COL5A3: variants seen among roughly 807,000 people sequenced by gnomAD.
COL5A3 encodes collagen alpha-3(V) chain.
Under a neutral mutation model 250.0 loss-of-function variants are expected in COL5A3, and 172 were observed. The observed-to-expected ratio is 0.69, with a 90% confidence interval of 0.61 to 0.78. COL5A3 has a LOEUF of 0.78. COL5A3 is among the 30% of genes least tolerant of loss of function. The probability of loss-of-function intolerance (pLI) is 0.00; values close to 1 mark genes in which losing one functional copy is unlikely to be tolerated. For synonymous variants in COL5A3, 937 were observed against 900.4 expected, an observed-to-expected ratio of 1.04 and a Z score of -0.73; for missense variants, 2,340 against 2,334.4, an observed-to-expected ratio of 1.00 and a Z score of -0.05.
At chr19:9,984,942 ATTTTTTTTTT>A (rs71188874) in intron 31 of COL5A3, among the ~76,000 whole-genome samples, 1 of 83,006 alleles carries the variant, frequency 1.2e-5, no homozygotes, top group Non-Finnish European at 2.3e-5. Context: ...CATCTGGCTA[ATTTTTTTTTT>A]TTTTTTTTTT....
chr19:9,973,767 C>T lies in COL5A3; in HGVS notation c.3601G>A (p.Val1201Met), dbSNP rs534275127. 1.3e-4 allele frequency: 202 copies of T among 1,613,912 alleles called. No homozygotes were observed. Among genetic ancestry groups the T allele is most frequent in the Non-Finnish European group, 1.5e-4 (182 of 1,179,980 alleles). Residue 1201 changes from valine to methionine, a missense_variant, in exon 49 of 67, where the codon GTG becomes ATG. Transcript: ENST00000264828. ...LPGGVGQPGA[V>M]GEKGERGDAG... is the part of the protein sequence containing the mutation. ...CTTCCCTCACTCACCTTCTCACCCA[C>T]GGCGCCTGGCTGACCAACTCCTCCA...
At chr19:9,980,963 C>T (rs1281405759) in intron 33 of COL5A3, 104 bp from the exon 34 acceptor site, 3 of 1,495,764 alleles carry the variant, frequency 2.0e-6, no homozygotes, top group East Asian at 2.3e-5. Context: ...CCCTCTCCTG[C>T]CCGACCAGGG....
intron 64 of COL5A3, among the ~76,000 whole-genome samples, chr19:9,963,623 G>A (rs1427418980): frequency 1.3e-5 from 2 of 151,468 alleles, no homozygotes; most frequent in Non-Finnish European, 2.9e-5. Context: ...GAACTCCTGG[G>A]CTCAAGCGAT....
In COL5A3 at chr19:9,960,374, T is replaced by A. The variant is rs375617796; in HGVS notation, c.*37A>T. The A allele has an allele frequency of 1.2e-6, 2 of 1,612,868 alleles. No homozygotes were observed. Among genetic ancestry groups the A allele is most frequent in the Admixed American group, 1.7e-5 (1 of 59,956 alleles). On this transcript the variant is annotated 3_prime_UTR_variant, in exon 67 of 67. Transcript: ENST00000264828. The stretch of plus-strand genomic sequence containing the variant: ...CCTCAGCACCAAATGCACCCCATTC[T>A]GGGGCTCCCTCATGGTCCCTCCCAC...
chr19:9,997,090 AAGAG>A (rs1407308222), intron 11 of COL5A3: 4 of 562,104 alleles, frequency 7.1e-6, no homozygotes, highest in Non-Finnish European at 1.3e-5. Context: ...AGAGAGACAG[AAGAG>A]AGACAGAGAC....
At chr19:9,997,585 C>A (rs1218200961) in intron 10 of COL5A3, 152 bp from the exon 11 acceptor site, 1 of 609,612 alleles carries the variant, frequency 1.6e-6, no homozygotes, top group Non-Finnish European at 2.9e-6. Context: ...CCCCCACTCA[C>A]CCCCAACGCT....
rs2145109902 is a variant in COL5A3, at chr19:9,986,778, A to AAG, written c.2146-21_2146-20insCT. 6.2e-7 allele frequency: 1 copy of AAG among 1,610,282 alleles called. No homozygotes were observed. The highest frequency in any genetic ancestry group is 1.1e-5 in the South Asian group (1 of 90,978). On this transcript the variant is annotated intron_variant, in intron 27 of 66. Transcript: ENST00000264828. ...AGTGCCCTGGAAAATAAAAAAAAAA[A>AAG]GCTCTCAAGCCTCTTCCCTGCTTAA...
rs367849087 is a variant in COL5A3 at position 9,974,203 on chromosome 19, C to T, written c.3472G>A (p.Glu1158Lys). 6.2e-7 allele frequency: 1 copy of T among 1,613,966 alleles called. No homozygotes were observed. The highest frequency in any genetic ancestry group is 8.5e-7 in the Non-Finnish European group (1 of 1,179,990). ...CCGACGTCTCCGACCTCCCCTTTCT[C>T]TCCCGGAGGGCCTGGCAGCCCCTGT... ...GLQGLPGPPG[E>K]KGEVGDVGSM... is the part of the protein sequence containing the mutation. Residue 1158 changes from glutamate to lysine, a missense_variant, in exon 47 of 67, where the codon GAG (glutamate) becomes AAG (lysine). By Grantham distance (56) the Glu-to-Lys change is moderately conservative (BLOSUM62 1). Transcript: ENST00000264828.
intron 28 of COL5A3, 53 bp downstream of exon 28, chr19:9,986,661 A>G (rs2087104864): frequency 1.9e-6 from 3 of 1,613,434 alleles, no homozygotes; most frequent in Non-Finnish European, 2.5e-6. Flanking sequence ...GGACACAACC[A>G]GGACCCCATG....
chr19:9,988,851 A>AAAAAAAAAAAAAGAGAGAGAGAG (rs2087142509), intron 27 of COL5A3, among the ~76,000 whole-genome samples: 1 of 67,254 alleles, frequency 1.5e-5, no homozygotes, highest in Non-Finnish European at 2.8e-5. Flanking sequence ...AAAAAAAAAA[A>AAAAAAAAAAAAAGAGAGAGAGAG]AAAAAAAGAA....
chr19:9,960,124 G>A lies in COL5A3; in HGVS notation c.*287C>T, dbSNP rs551238510. The stretch of plus-strand genomic sequence containing the variant: ...TCTGAGTTAGAAGCTCATTGCATGG[G>A]GGTTCAAGGGGTGGGGAGGTGAGGC... On this transcript the variant is annotated 3_prime_UTR_variant, in exon 67 of 67. Transcript: ENST00000264828. 3 of 466,682 alleles carry A rather than the reference G, an allele frequency of 6.4e-6. No homozygotes were observed. The Admixed American group carries it at 1.0e-4, about 16-fold the overall frequency. The allele number at this position is 466,682 out of a possible 1,614,324, so 28.9% of individuals were successfully genotyped here.
Position 9,997,822 on chromosome 19 carries a change from T to C in COL5A3, c.1200+162A>G, listed in dbSNP as rs573796409. Among the ~76,000 whole-genome samples the C allele has an allele frequency of 2.6e-5, 4 of 152,224 alleles. No individual in the cohort carries two copies. In the South Asian group the frequency reaches 8.3e-4, roughly 32 times the overall value. On this transcript the variant is annotated intron_variant, in intron 10 of 66. Coordinates refer to ENST00000264828, the MANE Select transcript of COL5A3 (RefSeq NM_015719.4). ...GTCTTGCTATGTTGCCCAGTCTCTA[T>C]ATTGTTCATCCTCCCTATTTTGACT... is the stretch of plus-strand genomic sequence containing the variant.
At chr19:9,989,902 C>A (rs111259409) in intron 24 of COL5A3, among the ~76,000 whole-genome samples, 1,935 of 152,030 alleles carry the variant, frequency 0.013, 40 homozygotes, top group African/African-American at 0.044. Context: ...GTAGCTGGGA[C>A]TACAGCACCC....
intron 22 of COL5A3, 36 bp from the exon 23 acceptor site, chr19:9,991,877 GGGTCAT>G: frequency 6.2e-7 from 1 of 1,603,790 alleles, no homozygotes; most frequent in Non-Finnish European, 8.5e-7. Flanking sequence ...AAGCTAAGAG[GGGTCAT>G]GGTGTTGGGG....
chr19:9,972,882 C>T lies in COL5A3; in HGVS notation c.3774+37G>A, dbSNP rs369289310. ...GAGCTTCAAGTACATTCAAGTGCCC[C>T]CTCCCATGTCTGCCCCCACTTCCCC... On this transcript the variant is annotated intron_variant, in intron 51 of 66. Transcript: ENST00000264828. 2.4e-5 allele frequency: 36 copies of T among 1,475,028 alleles called. No individual in the cohort carries two copies. The African/African-American group carries it at 4.7e-4, about 19-fold the overall frequency. 91.4% of individuals were successfully genotyped at this position (1,475,028 alleles called of 1,614,324 possible). A position where few individuals can be genotyped will look rare whatever the true frequency, so the allele number is the denominator to read the frequency against.
chr19:9,971,742 A>G (rs1343951835), intron 51 of COL5A3, among the ~76,000 whole-genome samples: 1 of 152,170 alleles, frequency 6.6e-6, no homozygotes, highest in Non-Finnish European at 1.5e-5. Flanking sequence ...GCCAAATCCC[A>G]CATCCACCCC....
Position 9,998,147 on chromosome 19 carries a change from AC to A in COL5A3, c.1112del (p.Gly371ValfsTer13). ...PSRTQFQIFPGAGEKGAKGEP... is the reference protein window; with the variant it reads ...PSRTQFQIFPXAGEKGAKGEP... The stretch of plus-strand genomic sequence containing the variant: ...CTCCTTTTGCTCCTTTCTCTCCAGC[AC>A]CCTGGGGTGGGGTCAGGGGAGATGG... On this transcript the variant is annotated frameshift_variant and splice_region_variant, in exon 9 of 67. Coordinates refer to ENST00000264828, the MANE Select transcript of COL5A3 (RefSeq NM_015719.4). LOFTEE classifies it high-confidence loss of function. 6 of 1,613,214 alleles carry A rather than the reference AC, an allele frequency of 3.7e-6. No individual in the cohort carries two copies. The highest frequency in any genetic ancestry group is 1.3e-5 in the African/African-American group (1 of 74,934).
rs374717602 is a variant in COL5A3, at chr19:9,968,018, A to C, written c.4368+8T>G. On this transcript the variant is annotated splice_region_variant and intron_variant, in intron 60 of 66. Transcript: ENST00000264828. The surrounding 1 kb of genome is among the most constrained non-coding windows in gnomAD (Gnocchi z 4.1). Reference sequence around the variant, plus strand: ...CCTCATCCCACAAAAGATTCCCTGCATACTCACCGCCACACCTGGGGGCCC... The same window carrying C: ...CCTCATCCCACAAAAGATTCCCTGCCTACTCACCGCCACACCTGGGGGCCC... 1.3e-6 allele frequency: 2 copies of C among 1,594,374 alleles called. No homozygotes were observed. Among genetic ancestry groups the C allele is most frequent in the African/African-American group, 2.7e-5 (2 of 73,898 alleles).
intron 32 of COL5A3, 80 bp downstream of exon 32, chr19:9,981,985 A>C: frequency 1.8e-6 from 2 of 1,091,588 alleles, no homozygotes; most frequent in Non-Finnish European, 2.8e-6. Flanking sequence ...CCCAGGGTCC[A>C]CCCATCATCA....
Sources: gnomAD v4.1 joint callset for allele counts (sites outside exome capture counted in the v4.1 genomes callset) on GRCh38, gnomAD v4.1.1 for gene constraint, Gnocchi (gnomAD v3.1) non-coding constraint, MANE v1.5 for transcripts, NCBI Gene and HGNC (gene_info 2026-07-23, HGNC 2026-07-21) for gene names.